CNTNAP2: variants seen among roughly 807,000 people sequenced by gnomAD.
CNTNAP2 encodes contactin associated protein 2, also known as contactin-associated protein-like 2.
CNTNAP2 carries 98 observed loss-of-function variants against 155.2 expected under a neutral mutation model. The ratio of observed to expected loss-of-function variants is 0.63; its 90% CI spans 0.54 to 0.75. The LOEUF is 0.75. Among genes scored for constraint, CNTNAP2 ranks in the 30% least tolerant of loss-of-function variants. The probability of loss-of-function intolerance (pLI) is 0.00; values close to 1 mark genes in which losing one functional copy is unlikely to be tolerated. For synonymous variants in CNTNAP2, 651 were observed against 631.2 expected (o/e 1.03, Z -0.47); for missense variants, 1,727 against 1,688.1 (o/e 1.02, Z -0.40).
chr7:146,426,954 C>A (rs950473282), intron 1 of CNTNAP2, among the ~76,000 whole-genome samples: 1 of 151,882 alleles, frequency 6.6e-6, no homozygotes, highest in African/African-American at 2.4e-5. Flanking sequence ...AATATCAAAA[C>A]GTCATGCTGT....
chr7:147,937,170 G>C (rs1585038046), intron 14 of CNTNAP2, among the ~76,000 whole-genome samples: 1 of 152,140 alleles, frequency 6.6e-6, no homozygotes, highest in Admixed American at 6.5e-5. Context: ...TCTTGGCTGG[G>C]TTGTGGGAAA....
At chr7:147,966,338 A>C (rs6961407) in intron 14 of CNTNAP2, among the ~76,000 whole-genome samples, 78,899 of 151,892 alleles carry the variant, frequency 0.52, 20,821 homozygotes, top group Middle Eastern at 0.73. Context: ...CTCTTTTGAG[A>C]AAACCATGCT....
intron 1 of CNTNAP2, among the ~76,000 whole-genome samples, chr7:146,466,380 T>C (rs1389302532): frequency 1.3e-5 from 2 of 152,188 alleles, no homozygotes; most frequent in Non-Finnish European, 2.9e-5. Flanking sequence ...ATCTTTCCTA[T>C]ACACAATTTC....
intron 3 of CNTNAP2, among the ~76,000 whole-genome samples, chr7:146,897,579 G>A (rs568582257): frequency 1.2e-3 from 189 of 151,638 alleles, no homozygotes; most frequent in Non-Finnish European, 2.2e-3. Context: ...TGCTCAGTAC[G>A]CAGATTTTTT....
At chr7:146,919,429 G>A (rs571739648) in intron 3 of CNTNAP2, among the ~76,000 whole-genome samples, 2 of 152,288 alleles carry the variant, frequency 1.3e-5, no homozygotes, top group East Asian at 3.9e-4. Flanking sequence ...CTTCCTGAGA[G>A]CCAAACTGCA....
rs140058517 is a variant in CNTNAP2 at position 147,151,812 on chromosome 7, T to C, written c.1348+19303T>C. Among the ~76,000 whole-genome samples the C allele has an allele frequency of 2.6e-4, 39 of 152,304 alleles. No individual in the cohort carries two copies. In the East Asian group the frequency reaches 6.9e-3, roughly 27 times the overall value. On this transcript the variant is annotated intron_variant, in intron 8 of 23. Coordinates refer to ENST00000361727, the MANE Select transcript of CNTNAP2 (RefSeq NM_014141.6). ...ATTTTTTTAATGTGTTACTCCAACA[T>C]GTTTTCACTGCTCCTGAGCAGTTAC... is the stretch of plus-strand genomic sequence containing the variant.
In CNTNAP2 at chr7:146,464,107, T is replaced by C. The variant is rs186939310; in HGVS notation, c.98-310164T>C. ...CATTTTCAAAACAAAGCGTTCATTTTTTGACCACAAAAAACAGTTCGTTAA... is the reference window on the plus strand; with the variant it reads ...CATTTTCAAAACAAAGCGTTCATTTCTTGACCACAAAAAACAGTTCGTTAA... On this transcript the variant is annotated intron_variant, in intron 1 of 23. Transcript: ENST00000361727. 1.4e-3 allele frequency among the ~76,000 whole-genome samples: 217 copies of C among 152,158 alleles called. 2 individuals carry two copies. Among genetic ancestry groups the C allele is most frequent in the Admixed American group, 0.01 (159 of 15,268 alleles).
chr7:147,617,949 A>G (rs2116887674), intron 12 of CNTNAP2, among the ~76,000 whole-genome samples: 1 of 152,284 alleles, frequency 6.6e-6, no homozygotes, highest in South Asian at 2.1e-4. Context: ...AACAGTTCTT[A>G]TTAATGCTAT....
intron 12 of CNTNAP2, among the ~76,000 whole-genome samples, chr7:147,623,025 C>G (rs1417822270): frequency 6.6e-6 from 1 of 151,958 alleles, no homozygotes; most frequent in African/African-American, 2.4e-5. Flanking sequence ...GAAAAATAGA[C>G]AAATTCTTAG....
chr7:147,236,982 G>A lies in CNTNAP2; in HGVS notation c.1349-63159G>A, dbSNP rs527339068. Among the ~76,000 whole-genome samples the A allele has an allele frequency of 4.8e-5, 7 of 147,034 alleles. No individual in the cohort carries two copies. In the South Asian group the frequency reaches 1.5e-3, roughly 32 times the overall value. On this transcript the variant is annotated intron_variant, in intron 8 of 23. Transcript: ENST00000361727. ...CCCTTTGGATTGTCAAAAACATGAT[G>A]ACTTAATCTTTTCTTGTCTGCGTAT...
intron 1 of CNTNAP2, among the ~76,000 whole-genome samples, chr7:146,317,653 G>C (rs1344744688): frequency 6.6e-6 from 1 of 152,158 alleles, no homozygotes; most frequent in Non-Finnish European, 1.5e-5. Context: ...AAAAACTGGA[G>C]CTATTCTTTT....
intron 9 of CNTNAP2, among the ~76,000 whole-genome samples, chr7:147,309,565 T>A (rs1187484144): frequency 1.3e-5 from 2 of 152,138 alleles, no homozygotes; most frequent in Non-Finnish European, 2.9e-5. Flanking sequence ...TTCCACTTTT[T>A]TCGTAGAGGA....
At chr7:147,301,366 G>T (rs578070631) in intron 9 of CNTNAP2, among the ~76,000 whole-genome samples, 3 of 151,982 alleles carry the variant, frequency 2.0e-5, no homozygotes, top group Non-Finnish European at 4.4e-5. Context: ...TAAAGTGCTG[G>T]GTACTTTGTT....
At chr7:147,018,755 G>T (rs1798769496) in intron 3 of CNTNAP2, among the ~76,000 whole-genome samples, 1 of 152,028 alleles carries the variant, frequency 6.6e-6, no homozygotes, top group African/African-American at 2.4e-5. Flanking sequence ...GCACTAAGGA[G>T]ATTAAATAAA....
intron 5 of CNTNAP2, among the ~76,000 whole-genome samples, chr7:147,113,937 T>C (rs1314193729): frequency 6.6e-6 from 1 of 152,222 alleles, no homozygotes; most frequent in African/African-American, 2.4e-5. Flanking sequence ...TCTAGCTGTT[T>C]GATGTGGGCA....
intron 1 of CNTNAP2, among the ~76,000 whole-genome samples, chr7:146,457,445 AAATTAT>A (rs1011499104): frequency 2.5e-5 from 3 of 118,882 alleles, no homozygotes; most frequent in Non-Finnish European, 3.6e-5. Context: ...TAAATGAATC[AAATTAT>A]AATTTGATTC....
At chr7:146,463,426 G>A (rs562888188) in intron 1 of CNTNAP2, among the ~76,000 whole-genome samples, 2 of 152,000 alleles carry the variant, frequency 1.3e-5, no homozygotes, top group East Asian at 3.9e-4. Context: ...ATAAATGAAT[G>A]TTTCTGTCCA....
intron 21 of CNTNAP2, among the ~76,000 whole-genome samples, chr7:148,301,306 A>AAAATATATATATATATAT: frequency 6.1e-4 from 63 of 103,834 alleles, no homozygotes; most frequent in African/African-American, 1.8e-3. Context: ...AAAAAAAAAA[A>AAAATATATATATATATAT]ATATATATAT....
rs549149702 is a variant in CNTNAP2, at chr7:147,733,316, G to A, written c.2098+94010G>A. On this transcript the variant is annotated intron_variant, in intron 13 of 23. Transcript: ENST00000361727. ...TCTTGTTTTTGTCAGGTTTGTCAAA[G>A]ATCAGATAGTTGTAGATGTGTGGTA... 4.1e-4 allele frequency among the ~76,000 whole-genome samples: 63 copies of A among 152,324 alleles called. 1 individual carries two copies. The South Asian group carries it at 0.011, about 27-fold the overall frequency.
Sources: allele counts gnomAD v4.1 joint callset (sites outside exome capture counted in the v4.1 genomes callset), GRCh38; gene constraint gnomAD v4.1.1; transcripts MANE v1.5; gene names NCBI Gene and HGNC (gene_info 2026-07-23, HGNC 2026-07-21).